PDE4C: variants seen among roughly 807,000 people sequenced by gnomAD.
PDE4C encodes the protein phosphodiesterase 4C, also known as 3',5'-cyclic-AMP phosphodiesterase 4C.
In PDE4C, 50 loss-of-function variants were observed where a neutral mutation model predicts 63.9. The observed-to-expected ratio is 0.78, with a 90% CI of 0.62 to 0.99. The LOEUF (loss-of-function observed/expected upper bound fraction) is 0.99. Ranked by LOEUF, PDE4C falls within the 50% of genes least tolerant of loss-of-function variation. PDE4C has a pLI of 0.00. For synonymous variants in PDE4C, 377 were observed against 385.1 expected (o/e 0.98, Z 0.25); for missense variants, 777 against 899.1 (o/e 0.86, Z 1.74).
At chr19:18,250,606 T>G, upstream of PDE4C, 1 of 395,986 alleles carries the variant, frequency 2.5e-6, no homozygotes, top group East Asian at 3.6e-5. Context: ...AGGCTGCCAC[T>G]TTTTAATCAT....
chr19:18,216,931 C>T, intron 11 of PDE4C, 36 bp from the exon 12 acceptor site: 1 of 1,557,616 alleles, frequency 6.4e-7, no homozygotes. Context: ...CCAAGATCCA[C>T]CCGCCCCACC....
rs1194157851 is a variant in PDE4C, at chr19:18,221,311, G to A, written c.339-14C>T. 2 of 1,537,620 alleles carry A rather than the reference G, an allele frequency of 1.3e-6. No individual in the cohort carries two copies. Among genetic ancestry groups the A allele is most frequent in the Admixed American group, 2.3e-5 (1 of 43,726 alleles). On this transcript the variant is annotated splice_polypyrimidine_tract_variant and intron_variant, in intron 2 of 14. Transcript: ENST00000262805. ...TCCTCTCCATGTCTGCGAGGAGACG[G>A]GCCATCAGGGAGAGCTCTCTCCCAT... is the stretch of plus-strand genomic sequence containing the variant.
chr19:18,212,474 T>A (rs1967996070), intron 13 of PDE4C, among the ~76,000 whole-genome samples: 3 of 18,630 alleles, frequency 1.6e-4, no homozygotes, highest in African/African-American at 2.2e-4. Flanking sequence ...TGAGCCCAGC[T>A]TTTTTTTTTT....
upstream of PDE4C, among the ~76,000 whole-genome samples, chr19:18,234,556 G>C (rs141313962): frequency 1.3e-5 from 2 of 152,292 alleles, no homozygotes; most frequent in African/African-American, 4.8e-5. Flanking sequence ...GCAGAAAGAG[G>C]TGAGATTTTG....
exon 8 of PDE4C, chr19:18,219,358 T>C (rs1968360296): frequency 6.2e-7 from 1 of 1,613,216 alleles, no homozygotes; most frequent in Admixed American, 1.7e-5. Flanking sequence ...TGGGGCCTCC[T>C]CAGCGGTCAC....
At chr19:18,248,039 G>T (rs562296639) in intron 1 of PDE4C, 31 of 377,498 alleles carry the variant, frequency 8.2e-5, no homozygotes, top group South Asian at 5.0e-4. Context: ...CAGACACATG[G>T]GAGACCCATT....
exon 1 of PDE4C, chr19:18,233,576 G>A (rs545486922): frequency 8.9e-5 from 44 of 495,372 alleles, no homozygotes; most frequent in South Asian, 6.5e-4. Context: ...TCCACTGATC[G>A]CTGCTAAATG....
At position 18,220,845 on chromosome 19, in the gene PDE4C, G is replaced by A; in HGVS notation, c.499+29C>T. 2 of 1,600,750 alleles carry A rather than the reference G, an allele frequency of 1.2e-6. No individual in the cohort carries two copies. The highest frequency in any genetic ancestry group is 2.3e-5 in the South Asian group (2 of 88,382). On this transcript the variant is annotated intron_variant, in intron 5 of 14. Transcript: ENST00000262805. The surrounding 1 kb of genome is among the most constrained non-coding windows in gnomAD (Gnocchi z 5.1). ...GAAAGGAAGCTCCCAGCTGTCCTCA[G>A]CGGGGGAGGGAAGGAACAGGTACTT...
At chr19:18,214,133 C>T (rs772274506) in intron 12 of PDE4C, among the ~76,000 whole-genome samples, 10 of 151,860 alleles carry the variant, frequency 6.6e-5, no homozygotes, top group South Asian at 2.1e-4. Flanking sequence ...TGGTGGGCAC[C>T]GGTAGTCCCA....
Position 18,215,607 on chromosome 19 carries a change from C to T in PDE4C, c.1389+1134G>A, listed in dbSNP as rs539508057. Among the ~76,000 whole-genome samples, 39 of 152,020 alleles carry T rather than the reference C, an allele frequency of 2.6e-4. 1 individual carries two copies. Among genetic ancestry groups the T allele is most frequent in the Admixed American group, 2.2e-3 (34 of 15,264 alleles). On this transcript the variant is annotated intron_variant, in intron 12 of 14. Coordinates refer to ENST00000262805, the Ensembl canonical transcript of PDE4C. Reference sequence around the variant, plus strand: ...TCCGCTCACTGCAATCTCCGCCTCCCGGGTTCAAATGATTCTCCTGACTCA... The same window carrying T: ...TCCGCTCACTGCAATCTCCGCCTCCTGGGTTCAAATGATTCTCCTGACTCA...
intron 1 of PDE4C, among the ~76,000 whole-genome samples, chr19:18,245,866 C>T (rs10424775): frequency 0.11 from 16,209 of 152,060 alleles, 1,113 homozygotes; most frequent in East Asian, 0.37. Flanking sequence ...TTTTTTGAGA[C>T]GGAGTCTCGC....
At chr19:18,233,445 A>C (rs1470283518) in exon 1 of PDE4C, 1 of 670,410 alleles carries the variant, frequency 1.5e-6, no homozygotes, top group Non-Finnish European at 2.7e-6. Flanking sequence ...GGGGGTGTTG[A>C]AGCTAGGGGC....
At chr19:18,253,550 C>CAAA in the PDE4C span, among the ~76,000 whole-genome samples, 135 of 123,762 alleles carry the variant, frequency 1.1e-3, no homozygotes, top group African/African-American at 3.5e-3. Flanking sequence ...GACTCCGTCT[C>CAAA]AAAAAAAAAA....
chr19:18,220,136 T>C lies in PDE4C; in HGVS notation c.706+90A>G. The C allele has an allele frequency of 2.0e-6, 2 of 1,014,556 alleles. No homozygotes were observed. The highest frequency in any genetic ancestry group is 1.5e-6 in the Non-Finnish European group (1 of 647,254). The allele number at this position is 1,014,556 out of a possible 1,614,324, so 62.8% of individuals were successfully genotyped here. A position where few individuals can be genotyped will look rare whatever the true frequency, so the allele number is the denominator to read the frequency against. On this transcript the variant is annotated intron_variant, in intron 7 of 14. Transcript: ENST00000262805. The surrounding 1 kb of genome is among the most constrained non-coding windows in gnomAD (Gnocchi z 5.1). Reference sequence around the variant, plus strand: ...GAAGGTGTCTGTGTCTGGCTGTATCTCCCCCAGACTGAGGTCTATCATAGG... The same window carrying C: ...GAAGGTGTCTGTGTCTGGCTGTATCCCCCCCAGACTGAGGTCTATCATAGG...
At chr19:18,230,572 CTG>C (rs1968827569), upstream of PDE4C, among the ~76,000 whole-genome samples, 1 of 152,212 alleles carries the variant, frequency 6.6e-6, no homozygotes, top group African/African-American at 2.4e-5. Context: ...TCAAGCCACA[CTG>C]ATCCATTTTC....
chr19:18,224,686 A>G (rs1460488905), intron 1 of PDE4C, among the ~76,000 whole-genome samples: 1 of 152,208 alleles, frequency 6.6e-6, no homozygotes, highest in Non-Finnish European at 1.5e-5. Flanking sequence ...CATGAGGGCT[A>G]GTTCGGGCAT....
rs374004882 is a variant in PDE4C at position 18,244,580 on chromosome 19, T to C, written c.-210+3591A>G. 1.7e-3 allele frequency among the ~76,000 whole-genome samples: 252 copies of C among 152,204 alleles called. 2 individuals carry two copies. The highest frequency in any genetic ancestry group is 5.8e-3 in the African/African-American group (241 of 41,534). On this transcript the variant is annotated intron_variant, in intron 1 of 15. Transcript: ENST00000594617. The stretch of plus-strand genomic sequence containing the variant: ...CAGGCTGGAGTGCAATGACGCGATC[T>C]TGGCTCACCGCAACCTCCGCCTCCT...
chr19:18,233,183 G>T, exon 1 of PDE4C: 1 of 1,558,864 alleles, frequency 6.4e-7, no homozygotes, highest in Middle Eastern at 1.7e-4. Flanking sequence ...CGACCCCCAG[G>T]TTCTCCATGC....
intron 1 of PDE4C, chr19:18,232,866 A>C: frequency 9.2e-5 from 109 of 1,180,374 alleles, no homozygotes; most frequent in Non-Finnish European, 1.0e-4. Flanking sequence ...CGCCCCCTGG[A>C]GAAGCAAGGA....
Sources: gnomAD v4.1 joint callset for allele counts (sites outside exome capture counted in the v4.1 genomes callset) on GRCh38, gnomAD v4.1.1 for gene constraint, Gnocchi (gnomAD v3.1) non-coding constraint, MANE v1.5 for transcripts, NCBI Gene and HGNC (gene_info 2026-07-23, HGNC 2026-07-21) for gene names.